The following AMBRA1 variants were observed in gnomAD, a reference collection of about 807,000 sequenced individuals.
AMBRA1 encodes autophagy and beclin 1 regulator 1.
Under a neutral mutation model 125.4 loss-of-function variants are expected in AMBRA1, and 47 were observed. The observed-to-expected ratio is 0.37, with a 90% CI of 0.30 to 0.48. AMBRA1 has a LOEUF of 0.48. Ranked by LOEUF, AMBRA1 falls within the 20% of genes least tolerant of loss-of-function variation. The pLI, the probability that AMBRA1 is intolerant of heterozygous loss-of-function variation, is 0.99. For synonymous variants in AMBRA1, 626 were observed against 655.5 expected (o/e 0.95, Z 0.69); for missense variants, 1,331 against 1,693.4 (o/e 0.79, Z 3.76).
chr11:46,494,534 G>A, intron 9 of AMBRA1: 1 of 191,298 alleles, frequency 5.2e-6, no homozygotes, highest in Non-Finnish European at 1.1e-5. Context: ...TATATTGAAA[G>A]ATGCAAGAAA....
rs990741832 is a variant in AMBRA1, at chr11:46,573,230, C to T, written c.-121+20598G>A. ...GACCAGCCTCGCCAACATGGTGAAA[C>T]TCTGTCTCTACTCAAAATACAAAAA... is the stretch of plus-strand genomic sequence containing the variant. On this transcript the variant is annotated intron_variant, in intron 1 of 17. Transcript: ENST00000683756. Among the ~76,000 whole-genome samples the T allele has an allele frequency of 2.6e-5, 4 of 151,700 alleles. No homozygotes were observed. In the South Asian group the frequency reaches 6.2e-4, roughly 24 times the overall value.
At chr11:46,514,550 T>C (rs1169606015) in intron 7 of AMBRA1, among the ~76,000 whole-genome samples, 2 of 152,232 alleles carry the variant, frequency 1.3e-5, no homozygotes, top group Non-Finnish European at 2.9e-5. Context: ...AGAAATGCTG[T>C]TTCATCAATT....
chr11:46,483,094 A>G (rs1424856329), intron 11 of AMBRA1, among the ~76,000 whole-genome samples: 1 of 152,022 alleles, frequency 6.6e-6, no homozygotes, highest in African/African-American at 2.4e-5. Context: ...ACAGCTCAAG[A>G]CAGTAGAAGT....
chr11:46,501,148 A>G (rs192700570), intron 9 of AMBRA1, among the ~76,000 whole-genome samples: 5 of 152,308 alleles, frequency 3.3e-5, no homozygotes, highest in Non-Finnish European at 5.9e-5. Flanking sequence ...CTGGTACTCA[A>G]ATAATGTTGT....
intron 14 of AMBRA1, among the ~76,000 whole-genome samples, chr11:46,423,547 A>T (rs551114988): frequency 2.6e-5 from 4 of 151,458 alleles, no homozygotes; most frequent in South Asian, 2.1e-4. Context: ...GCCTGCCACC[A>T]CGCCCGGCTA....
intron 11 of AMBRA1, chr11:46,491,264 A>C (rs546220110): frequency 6.6e-6 from 1 of 152,354 alleles, no homozygotes; most frequent in South Asian, 2.1e-4. Context: ...AACTACGAGG[A>C]GGCGGATCGG....
rs1385982180 is a variant in AMBRA1 at position 46,433,636 on chromosome 11, C to T, written c.2822-8G>A. On this transcript the variant is annotated splice_region_variant and splice_polypyrimidine_tract_variant and intron_variant, in intron 13 of 17. Coordinates refer to ENST00000683756, the MANE Select transcript of AMBRA1 (RefSeq NM_001387011.1). ...CCGAAATGGCATTGGGACCTGAGGG[C>T]CAACAAAACAGAGAAATATTTCCTA... 1.2e-6 allele frequency: 2 copies of T among 1,610,420 alleles called. No homozygotes were observed. The highest frequency in any genetic ancestry group is 1.7e-6 in the Non-Finnish European group (2 of 1,177,178).
intron 11 of AMBRA1, among the ~76,000 whole-genome samples, chr11:46,479,969 G>A (rs920302493): frequency 2.0e-5 from 3 of 152,062 alleles, no homozygotes; most frequent in Admixed American, 6.6e-5. Flanking sequence ...GCCTGTGTTC[G>A]GGTCTGTCTC....
chr11:46,445,086 A>G (rs998091284), intron 11 of AMBRA1, among the ~76,000 whole-genome samples: 3 of 150,536 alleles, frequency 2.0e-5, no homozygotes, highest in Admixed American at 6.6e-5. Context: ...AAAAAAAAAC[A>G]AAAAAAAACT....
intron 7 of AMBRA1, among the ~76,000 whole-genome samples, chr11:46,530,172 C>A (rs1264412963): frequency 1.3e-5 from 2 of 150,278 alleles, no homozygotes; most frequent in East Asian, 3.8e-4. Context: ...TTACTCCCAA[C>A]GTATTTGCAG....
intron 14 of AMBRA1, among the ~76,000 whole-genome samples, chr11:46,423,147 CTTGT>C (rs1946930318): frequency 2.0e-5 from 3 of 152,182 alleles, no homozygotes; most frequent in Non-Finnish European, 4.4e-5. Flanking sequence ...GGCTACATAT[CTTGT>C]CACAGGCTGA....
chr11:46,490,230 G>A (rs1950413652), intron 11 of AMBRA1, among the ~76,000 whole-genome samples: 1 of 152,084 alleles, frequency 6.6e-6, no homozygotes, highest in Non-Finnish European at 1.5e-5. Flanking sequence ...AGCTTTAAAT[G>A]TACTTACAGC....
intron 1 of AMBRA1, among the ~76,000 whole-genome samples, chr11:46,561,120 C>A (rs2043322637): frequency 6.6e-6 from 1 of 152,158 alleles, no homozygotes; most frequent in South Asian, 2.1e-4. Context: ...GTAGCTCACA[C>A]CTGTAATCCC....
chr11:46,516,675 C>T (rs1215255512), intron 7 of AMBRA1, among the ~76,000 whole-genome samples: 4 of 151,920 alleles, frequency 2.6e-5, no homozygotes, highest in East Asian at 1.9e-4. Context: ...CCTCATGATC[C>T]GCCCACCTCG....
At chr11:46,460,121 G>A (rs1272473587) in intron 11 of AMBRA1, among the ~76,000 whole-genome samples, 1 of 152,100 alleles carries the variant, frequency 6.6e-6, no homozygotes, top group Non-Finnish European at 1.5e-5. Flanking sequence ...AGAATTTCAG[G>A]GCACATTATA....
At chr11:46,419,705 AAG>A (rs1188067554) in intron 14 of AMBRA1, among the ~76,000 whole-genome samples, 1 of 152,158 alleles carries the variant, frequency 6.6e-6, no homozygotes, top group Non-Finnish European at 1.5e-5. Context: ...AGGGGAAAAA[AAG>A]AGAAAACAAA....
intron 8 of AMBRA1, among the ~76,000 whole-genome samples, chr11:46,512,504 G>C (rs1441697856): frequency 2.6e-5 from 4 of 152,136 alleles, no homozygotes; most frequent in Non-Finnish European, 4.4e-5. Flanking sequence ...TTGCGGAAAT[G>C]AGTCCCAAAG....
At chr11:46,478,214 G>T (rs1949901253) in intron 11 of AMBRA1, among the ~76,000 whole-genome samples, 1 of 152,252 alleles carries the variant, frequency 6.6e-6, no homozygotes, top group Non-Finnish European at 1.5e-5. Flanking sequence ...CTATAAGAAA[G>T]CATAATATGC....
intron 1 of AMBRA1, among the ~76,000 whole-genome samples, chr11:46,579,119 G>C (rs1300637798): frequency 1.3e-5 from 2 of 149,588 alleles, no homozygotes; most frequent in East Asian, 3.9e-4. Context: ...GAACCATTCA[G>C]TAGGGAGGTG....
Sources: gnomAD v4.1 joint callset for allele counts (sites outside exome capture counted in the v4.1 genomes callset) on GRCh38, gnomAD v4.1.1 for gene constraint, MANE v1.5 for transcripts, NCBI Gene and HGNC (gene_info 2026-07-23, HGNC 2026-07-21) for gene names.